PLCB1: variants seen among roughly 807,000 people sequenced by gnomAD.
PLCB1 encodes phospholipase C beta 1, also known as 1-phosphatidylinositol 4,5-bisphosphate phosphodiesterase beta-1.
A neutral mutation model predicts 161.8 loss-of-function variants in PLCB1; 46 were observed. That is an observed-to-expected ratio of 0.28 (90% CI 0.22 to 0.36). PLCB1 has a LOEUF of 0.36. Among genes scored for constraint, PLCB1 ranks in the 10% least tolerant of loss-of-function variants. The pLI is 1.00. For missense variants in PLCB1, 1,016 were observed against 1,472.5 expected (o/e 0.69, Z 5.07); for synonymous variants, 517 against 503.7 (o/e 1.03, Z -0.35).
intron 31 of PLCB1, among the ~76,000 whole-genome samples, chr20:8,865,496 G>T (rs944373520): frequency 6.6e-6 from 1 of 152,150 alleles, no homozygotes; most frequent in Non-Finnish European, 1.5e-5. Context: ...GTATTGGTTA[G>T]CATAATACTG....
intron 31 of PLCB1, among the ~76,000 whole-genome samples, chr20:8,815,867 ATCTG>A (rs975386548): frequency 1.7e-4 from 26 of 152,352 alleles, no homozygotes; most frequent in Admixed American, 3.9e-4. Flanking sequence ...AATAATATCT[ATCTG>A]TCTATCTAAT....
At chr20:8,361,269 T>C (rs1166921418) in intron 2 of PLCB1, among the ~76,000 whole-genome samples, 1 of 152,212 alleles carries the variant, frequency 6.6e-6, no homozygotes, top group East Asian at 1.9e-4. Context: ...GTTTTATTAG[T>C]AGTTTTCTCA....
intron 31 of PLCB1, among the ~76,000 whole-genome samples, chr20:8,798,595 C>T (rs1490467436): frequency 1.4e-5 from 2 of 138,952 alleles, no homozygotes; most frequent in Admixed American, 7.3e-5. Context: ...CACACACACA[C>T]CCCTGGCCCA....
intron 26 of PLCB1, among the ~76,000 whole-genome samples, chr20:8,770,324 G>A (rs1407428450): frequency 1.3e-5 from 2 of 152,180 alleles, no homozygotes; most frequent in African/African-American, 4.8e-5. Flanking sequence ...TTTCAAGGAG[G>A]AAGCTGAAAG....
At chr20:8,340,675 C>T (rs1376472835) in intron 2 of PLCB1, among the ~76,000 whole-genome samples, 2 of 152,134 alleles carry the variant, frequency 1.3e-5, no homozygotes, top group South Asian at 2.1e-4. Flanking sequence ...CCGCCCGCCT[C>T]GGCCTCCCAA....
chr20:8,652,984 ATTACCACT>A (rs1455698623), intron 7 of PLCB1: 1 of 152,110 alleles, frequency 6.6e-6, no homozygotes, highest in Non-Finnish European at 1.5e-5. Flanking sequence ...TGTTCAAAAA[ATTACCACT>A]TTACCCACAA....
chr20:8,619,873 A>G (rs1988130932), intron 3 of PLCB1, among the ~76,000 whole-genome samples: 1 of 152,238 alleles, frequency 6.6e-6, no homozygotes, highest in African/African-American at 2.4e-5. Context: ...CTGATCGACA[A>G]ATCTCAAAGT....
intron 31 of PLCB1, among the ~76,000 whole-genome samples, chr20:8,854,545 T>C (rs1194306459): frequency 6.6e-6 from 1 of 152,196 alleles, no homozygotes; most frequent in Non-Finnish European, 1.5e-5. Context: ...GGAGATGTGT[T>C]GTTTTTTGCA....
chr20:8,446,538 A>G (rs1371456218), intron 3 of PLCB1, among the ~76,000 whole-genome samples: 2 of 152,184 alleles, frequency 1.3e-5, no homozygotes, highest in Non-Finnish European at 2.9e-5. Context: ...TATTCAACAT[A>G]GTGTTGGAAG....
intron 9 of PLCB1, among the ~76,000 whole-genome samples, chr20:8,669,249 A>G (rs930117970): frequency 1.3e-5 from 2 of 152,212 alleles, no homozygotes; most frequent in African/African-American, 4.8e-5. Flanking sequence ...AGGAAAAGGA[A>G]AGTTTTGTTT....
chr20:8,380,837 T>G (rs1301603194), intron 3 of PLCB1, among the ~76,000 whole-genome samples: 1 of 152,112 alleles, frequency 6.6e-6, no homozygotes, highest in African/African-American at 2.4e-5. Flanking sequence ...GCTTAAGGAA[T>G]ATTGGGGTTG....
At chr20:8,830,851 T>C (rs1473054280) in intron 31 of PLCB1, among the ~76,000 whole-genome samples, 1 of 152,106 alleles carries the variant, frequency 6.6e-6, no homozygotes, top group Non-Finnish European at 1.5e-5. Flanking sequence ...TTTTCAGACA[T>C]AGCCATTAGA....
At chr20:8,405,854 A>C (rs1036395217) in intron 3 of PLCB1, among the ~76,000 whole-genome samples, 1 of 152,190 alleles carries the variant, frequency 6.6e-6, no homozygotes, top group Non-Finnish European at 1.5e-5. Flanking sequence ...GTTATTTATA[A>C]TCATTATATC....
intron 3 of PLCB1, among the ~76,000 whole-genome samples, chr20:8,442,514 T>G (rs1323235851): frequency 6.6e-6 from 1 of 152,176 alleles, no homozygotes; most frequent in Non-Finnish European, 1.5e-5. Context: ...GCCATTAAGT[T>G]TCAGCATCTG....
chr20:8,548,858 G>C (rs1350560836), intron 3 of PLCB1, among the ~76,000 whole-genome samples: 1 of 152,174 alleles, frequency 6.6e-6, no homozygotes, highest in African/African-American at 2.4e-5. Context: ...ACTGAGCTCT[G>C]AATGTTGATC....
At chr20:8,267,127 G>T (rs910000301) in intron 2 of PLCB1, among the ~76,000 whole-genome samples, 1 of 151,958 alleles carries the variant, frequency 6.6e-6, no homozygotes, top group Non-Finnish European at 1.5e-5. Context: ...CTGCCAAAAA[G>T]AAATGCTTCA....
intron 1 of PLCB1, among the ~76,000 whole-genome samples, chr20:8,140,758 G>A (rs1370920921): frequency 6.6e-6 from 1 of 151,878 alleles, no homozygotes; most frequent in Non-Finnish European, 1.5e-5. Flanking sequence ...CCCCGAACAG[G>A]GTCCTTTTAG....
At chr20:8,356,178 G>T (rs1313946366) in intron 2 of PLCB1, among the ~76,000 whole-genome samples, 1 of 152,074 alleles carries the variant, frequency 6.6e-6, no homozygotes, top group African/African-American at 2.4e-5. Context: ...CTTCTTCTGA[G>T]TGCTTTAAAG....
At chr20:8,603,112 C>A (rs1444619908) in intron 3 of PLCB1, among the ~76,000 whole-genome samples, 2 of 152,136 alleles carry the variant, frequency 1.3e-5, no homozygotes, top group Admixed American at 1.3e-4. Flanking sequence ...ACAAACAGGA[C>A]AAATGCTCTA....
Sources: gnomAD v4.1 joint callset for allele counts (sites outside exome capture counted in the v4.1 genomes callset) on GRCh38, gnomAD v4.1.1 for gene constraint, MANE v1.5 for transcripts, NCBI Gene and HGNC (gene_info 2026-07-23, HGNC 2026-07-21) for gene names.